The following XXYLT1 variants were observed in gnomAD, a reference collection of about 807,000 sequenced individuals.
XXYLT1 encodes the protein xyloside xylosyltransferase 1.
XXYLT1 carries 20 observed loss-of-function variants against 28.9 expected under a neutral mutation model. That is an observed-to-expected ratio of 0.69 (90% confidence interval 0.49 to 1.00). The LOEUF (loss-of-function observed/expected upper bound fraction) is 1.00, where lower values mean the gene tolerates loss of function less well. Ranked by LOEUF, XXYLT1 falls within the 50% of genes least tolerant of loss-of-function variation. The pLI, the probability that XXYLT1 is intolerant of heterozygous loss-of-function variation, is 0.00. For missense variants in XXYLT1, 542 were observed against 560.1 expected (o/e 0.97, Z 0.33); for synonymous variants, 257 against 253.8 (o/e 1.01, Z -0.12).
At chr3:195,224,790 G>A (rs1723978043) in intron 2 of XXYLT1, among the ~76,000 whole-genome samples, 1 of 152,210 alleles carries the variant, frequency 6.6e-6, no homozygotes, top group Non-Finnish European at 1.5e-5. Context: ...CAGAATGCAA[G>A]TTGAAACAGC....
chr3:195,185,843 A>C (rs1722176217), intron 2 of XXYLT1, among the ~76,000 whole-genome samples: 1 of 152,096 alleles, frequency 6.6e-6, no homozygotes, highest in Non-Finnish European at 1.5e-5. Flanking sequence ...CTCCTTGCAC[A>C]ACAAGACCAG....
intron 3 of XXYLT1, chr3:195,121,932 A>G: frequency 1.5e-6 from 1 of 662,432 alleles, no homozygotes; most frequent in South Asian, 1.7e-5. Flanking sequence ...TGGACCCTAC[A>G]TTGTCATCCT....
intron 3 of XXYLT1, among the ~76,000 whole-genome samples, chr3:195,112,647 G>A (rs1325337402): frequency 6.8e-6 from 1 of 148,094 alleles, no homozygotes; most frequent in African/African-American, 2.5e-5. Flanking sequence ...ATGCACACAC[G>A]CAGCTCCCAG....
rs577522225 is a variant in XXYLT1 at position 195,195,720 on chromosome 3, G to A, written c.652+30989C>T. 1.3e-5 allele frequency among the ~76,000 whole-genome samples: 2 copies of A among 152,296 alleles called. No homozygotes were observed. The highest frequency in any genetic ancestry group is 4.1e-4 in the South Asian group (2 of 4,828). On this transcript the variant is annotated intron_variant, in intron 2 of 3. Transcript: ENST00000310380. This position sits in a 1 kb window ranked among gnomAD's most constrained non-coding sequence, Gnocchi z 4.4. ...CTCAGGAACAGCTCGGAGGGCCCGGGCAGTGCCGTGCTGGGAATGCTCTTC... is the reference window on the plus strand; with the variant it reads ...CTCAGGAACAGCTCGGAGGGCCCGGACAGTGCCGTGCTGGGAATGCTCTTC...
At position 195,143,847 on chromosome 3, in the gene XXYLT1, TATATATAGATATATATAGATATAG is replaced by T. The variant is rs1358443600; in HGVS notation, c.785+12578_785+12601del. ...ATATATATAGATATAGATATAGATATATATATAGATATATATAGATATAGATATATATATATATATATTTATTTT... is the reference window on the plus strand; with the variant it reads ...ATATATATAGATATAGATATAGATATATATATATATATATATATTTATTTT... On this transcript the variant is annotated intron_variant, in intron 3 of 3. Transcript: ENST00000310380. Among the ~76,000 whole-genome samples the T allele has an allele frequency of 1.6e-3, 117 of 71,342 alleles. 6 individuals carry two copies. The highest frequency in any genetic ancestry group is 5.2e-3 in the African/African-American group (108 of 20,630). 46.8% of individuals were successfully genotyped at this position (71,342 alleles called of 152,430 possible).
chr3:195,233,237 T>A (rs2108811599), intron 1 of XXYLT1, among the ~76,000 whole-genome samples: 1 of 152,342 alleles, frequency 6.6e-6, no homozygotes, highest in Non-Finnish European at 1.5e-5. Context: ...TGCCATACCT[T>A]TATTTTCAGT....
At chr3:195,215,887 C>T (rs1723550252) in intron 2 of XXYLT1, among the ~76,000 whole-genome samples, 1 of 152,160 alleles carries the variant, frequency 6.6e-6, no homozygotes, top group South Asian at 2.1e-4. Context: ...CAGCACCACA[C>T]CACATCTATT....
intron 3 of XXYLT1, among the ~76,000 whole-genome samples, chr3:195,145,421 C>A (rs1312177724): frequency 2.0e-5 from 3 of 147,026 alleles, no homozygotes; most frequent in Non-Finnish European, 4.5e-5. Flanking sequence ...TGAACGGGCA[C>A]CTCACTCCAC....
At chr3:195,237,345 G>A (rs932447477) in intron 1 of XXYLT1, among the ~76,000 whole-genome samples, 1 of 152,146 alleles carries the variant, frequency 6.6e-6, no homozygotes, top group Non-Finnish European at 1.5e-5. Flanking sequence ...TGGCAGCAAT[G>A]AGTTCCAATG....
intron 2 of XXYLT1, among the ~76,000 whole-genome samples, chr3:195,181,284 T>G (rs59277567): frequency 0.063 from 9,516 of 150,126 alleles, 997 homozygotes; most frequent in African/African-American, 0.22. Context: ...CGTGGCTGCG[T>G]GGCTGCGGGG....
intron 1 of XXYLT1, among the ~76,000 whole-genome samples, chr3:195,247,033 C>T (rs1725050598): frequency 2.6e-5 from 4 of 152,214 alleles, no homozygotes; most frequent in Admixed American, 2.6e-4. Context: ...AATCCTTGCA[C>T]AGTGGGTAGA....
rs115305971 is a variant in XXYLT1, at chr3:195,081,153, C to T, written c.786-11042G>A. 9.2e-3 allele frequency among the ~76,000 whole-genome samples: 1,395 copies of T among 152,032 alleles called. 15 individuals carry two copies. The highest frequency in any genetic ancestry group is 0.032 in the African/African-American group (1,330 of 41,448). On this transcript the variant is annotated intron_variant, in intron 3 of 3. Coordinates refer to ENST00000310380, the MANE Select transcript of XXYLT1 (RefSeq NM_152531.5). ...CTGTGCCTGGGCTCACCTGGGAGCT[C>T]GTCAGCCACTGCATTTCTGACAAGC...
chr3:195,120,997 A>T (rs934182880), intron 3 of XXYLT1, among the ~76,000 whole-genome samples: 1 of 152,134 alleles, frequency 6.6e-6, no homozygotes, highest in African/African-American at 2.4e-5. Context: ...AGGGTGTGTG[A>T]CGTGTGTTGG....
At chr3:195,185,698 T>C (rs1410456040) in intron 2 of XXYLT1, among the ~76,000 whole-genome samples, 1 of 151,542 alleles carries the variant, frequency 6.6e-6, no homozygotes, top group Non-Finnish European at 1.5e-5. Context: ...ACACACCCTC[T>C]GGGCGCTGAG....
intron 2 of XXYLT1, among the ~76,000 whole-genome samples, chr3:195,189,406 C>G: frequency 6.6e-6 from 1 of 151,944 alleles, no homozygotes; most frequent in Admixed American, 6.6e-5. Context: ...GATATAATAG[C>G]AAAACATCCA....
In XXYLT1 at chr3:195,069,335, G is replaced by A. The variant is rs1714664788; in HGVS notation, c.*380C>T. ...GTACTTTCTCGAAAAATGGAAGGCT[G>A]TCAATTTAAATTAAATTTATATTGG... On this transcript the variant is annotated 3_prime_UTR_variant, in exon 4 of 4. Coordinates refer to ENST00000310380, the MANE Select transcript of XXYLT1 (RefSeq NM_152531.5). 4.9e-6 allele frequency: 1 copy of A among 203,160 alleles called. No individual in the cohort carries two copies. The highest frequency in any genetic ancestry group is 1.0e-5 in the Non-Finnish European group (1 of 99,972). The allele number at this position is 203,160 out of a possible 1,614,324, so 12.6% of individuals were successfully genotyped here. A position where few individuals can be genotyped will look rare whatever the true frequency, so the allele number is the denominator to read the frequency against.
Position 195,270,915 on chromosome 3 carries a change from G to A in XXYLT1, c.144C>T (p.Phe48=). 1 of 1,482,892 alleles carries A rather than the reference G, an allele frequency of 6.7e-7. No homozygotes were observed. The highest frequency in any genetic ancestry group is 8.9e-7 in the Non-Finnish European group (1 of 1,118,704). The allele number at this position is 1,482,892 out of a possible 1,614,324, so 91.9% of individuals were successfully genotyped here. Residue 48 remains phenylalanine, a synonymous_variant, in exon 1 of 4, where the codon TTC becomes TTT. Coordinates refer to ENST00000310380, the MANE Select transcript of XXYLT1 (RefSeq NM_152531.5). ...FYYLGSGRET[F]SSATKRLKEA... Reference sequence around the variant, plus strand: ...CCTTCAGCCTCTTGGTGGCGCTGGAGAAGGTCTCCCGGCCTGAGCCGAGGT... The same window carrying A: ...CCTTCAGCCTCTTGGTGGCGCTGGAAAAGGTCTCCCGGCCTGAGCCGAGGT...
chr3:195,197,790 G>A (rs1023726637), intron 2 of XXYLT1, among the ~76,000 whole-genome samples: 5 of 152,160 alleles, frequency 3.3e-5, no homozygotes, highest in African/African-American at 9.7e-5. Flanking sequence ...TGCCATCAGC[G>A]TTTGACACAA....
intron 1 of XXYLT1, among the ~76,000 whole-genome samples, chr3:195,241,367 A>C (rs1402111790): frequency 6.6e-6 from 1 of 152,206 alleles, no homozygotes; most frequent in Admixed American, 6.5e-5. Flanking sequence ...AAATTGTATC[A>C]AACGTGTTTC....
Sources: allele counts gnomAD v4.1 joint callset (sites outside exome capture counted in the v4.1 genomes callset), GRCh38; gene constraint gnomAD v4.1.1; non-coding constraint Gnocchi (gnomAD v3.1); transcripts MANE v1.5; gene names NCBI Gene and HGNC (gene_info 2026-07-23, HGNC 2026-07-21).